ROR1: variants seen among roughly 807,000 people sequenced by gnomAD.
The protein encoded by ROR1 is inactive tyrosine-protein kinase transmembrane receptor ROR1.
Under a neutral mutation model 78.8 loss-of-function variants are expected in ROR1, and 19 were observed. The observed-to-expected ratio is 0.24, with a 90% CI of 0.17 to 0.35. ROR1 has a LOEUF of 0.35. ROR1 is among the 10% of genes least tolerant of loss of function. The pLI is 1.00. For synonymous variants in ROR1, 386 were observed against 433.6 expected (o/e 0.89, Z 1.36); for missense variants, 917 against 1,177.8 (o/e 0.78, Z 3.24).
At chr1:63,929,461 T>C (rs1386709193) in intron 1 of ROR1, among the ~76,000 whole-genome samples, 2 of 152,206 alleles carry the variant, frequency 1.3e-5, no homozygotes, top group Non-Finnish European at 2.9e-5. Context: ...CATAAAACTT[T>C]GCCTTTTACC....
intron 4 of ROR1, among the ~76,000 whole-genome samples, chr1:64,051,764 CA>C (rs945881422): frequency 9.5e-4 from 143 of 151,318 alleles, no homozygotes; most frequent in Non-Finnish European, 1.3e-3. Context: ...TCTTACTCTA[CA>C]AAAAAAAATC....
intron 1 of ROR1, among the ~76,000 whole-genome samples, chr1:63,852,686 T>G (rs1365612466): frequency 2.6e-5 from 4 of 152,192 alleles, no homozygotes; most frequent in Non-Finnish European, 5.9e-5. Context: ...GGAAAAACAC[T>G]AAAAAATGAA....
At chr1:63,882,022 T>A (rs188663485) in intron 1 of ROR1, among the ~76,000 whole-genome samples, 43 of 152,222 alleles carry the variant, frequency 2.8e-4, no homozygotes, top group Non-Finnish European at 7.4e-5. Flanking sequence ...TAGGAGGGGA[T>A]CATATAGGAT....
At chr1:64,134,302 T>TA (rs1649027608) in intron 4 of ROR1, among the ~76,000 whole-genome samples, 1 of 152,188 alleles carries the variant, frequency 6.6e-6, no homozygotes, top group Non-Finnish European at 1.5e-5. Flanking sequence ...CAAGACTCGT[T>TA]ATAAGGTCTC....
Position 64,179,021 on chromosome 1 carries a change from C to CAA in ROR1, c.*166_*167insAA. On this transcript the variant is annotated 3_prime_UTR_variant, in exon 9 of 9. Coordinates refer to ENST00000371079, the MANE Select transcript of ROR1 (RefSeq NM_005012.4). ...CTTACCAAGCAGGACAGACACTCGG[C>CAA]CAGAAAAAAAAAAAAAAAAAAAAAA... 1 of 188,626 alleles carries CAA rather than the reference C, an allele frequency of 5.3e-6. No homozygotes were observed. Among genetic ancestry groups the CAA allele is most frequent in the Non-Finnish European group, 8.8e-6 (1 of 114,082 alleles). The allele number at this position is 188,626 out of a possible 1,614,324, so 11.7% of individuals were successfully genotyped here.
chr1:64,043,048 T>C (rs980298367), intron 2 of ROR1, among the ~76,000 whole-genome samples: 9 of 152,222 alleles, frequency 5.9e-5, no homozygotes, highest in African/African-American at 1.9e-4. Context: ...CTAAACCTAA[T>C]TGTGACTGGC....
chr1:64,078,933 CGAGG>C, intron 4 of ROR1, among the ~76,000 whole-genome samples: 1 of 152,010 alleles, frequency 6.6e-6, no homozygotes, highest in East Asian at 1.9e-4. Context: ...CTCTTGATTT[CGAGG>C]AAGGAGTGTT....
intron 1 of ROR1, among the ~76,000 whole-genome samples, chr1:63,785,549 G>A (rs1189202767): frequency 6.6e-6 from 1 of 151,006 alleles, no homozygotes; most frequent in Non-Finnish European, 1.5e-5. Context: ...TTGAGACGGA[G>A]TCTCACTCTG....
intron 1 of ROR1, among the ~76,000 whole-genome samples, chr1:63,865,801 A>G (rs140612765): frequency 3.1e-3 from 478 of 152,320 alleles, no homozygotes; most frequent in Non-Finnish European, 5.5e-3. Flanking sequence ...TTGTGACTGA[A>G]TCAGAGGTTG....
At chr1:63,918,687 G>A (rs1403609110) in intron 1 of ROR1, among the ~76,000 whole-genome samples, 2 of 152,086 alleles carry the variant, frequency 1.3e-5, no homozygotes, top group East Asian at 1.9e-4. Flanking sequence ...TCTATATACT[G>A]TGCCTCCCTC....
chr1:63,806,655 T>G (rs1644832010), intron 1 of ROR1, among the ~76,000 whole-genome samples: 1 of 152,206 alleles, frequency 6.6e-6, no homozygotes, highest in Non-Finnish European at 1.5e-5. Context: ...AGTGTTTTGT[T>G]TTTGTTTTTG....
chr1:64,132,402 T>C (rs1648944607), intron 4 of ROR1, among the ~76,000 whole-genome samples: 1 of 152,120 alleles, frequency 6.6e-6, no homozygotes, highest in South Asian at 2.1e-4. Context: ...TGTTTTCAAT[T>C]CTTTGGTTTA....
chr1:64,041,460 C>T (rs1395245358), intron 2 of ROR1, among the ~76,000 whole-genome samples: 1 of 152,128 alleles, frequency 6.6e-6, no homozygotes, highest in Non-Finnish European at 1.5e-5. Flanking sequence ...TAAAATAAGC[C>T]TCTAAGTAGC....
At chr1:64,172,629 G>T (rs1650271782) in intron 8 of ROR1, among the ~76,000 whole-genome samples, 1 of 152,078 alleles carries the variant, frequency 6.6e-6, no homozygotes. Context: ...GGTTTACTTT[G>T]GCACCATGCC....
chr1:63,867,011 A>T (rs368565472), intron 1 of ROR1, among the ~76,000 whole-genome samples: 1 of 152,204 alleles, frequency 6.6e-6, no homozygotes, highest in Non-Finnish European at 1.5e-5. Context: ...ATTTTAATTA[A>T]TCTAGCTACA....
At chr1:64,076,297 T>C (rs774383622) in intron 4 of ROR1, among the ~76,000 whole-genome samples, 28 of 152,184 alleles carry the variant, frequency 1.8e-4, no homozygotes, top group Non-Finnish European at 4.1e-4. Context: ...TGCCCATAGA[T>C]TCCCTGGTGG....
intron 1 of ROR1, among the ~76,000 whole-genome samples, chr1:63,841,863 C>T (rs1336667878): frequency 6.6e-6 from 1 of 152,104 alleles, no homozygotes; most frequent in African/African-American, 2.4e-5. Flanking sequence ...CTAATGACCC[C>T]TATATATCTT....
chr1:63,791,900 G>A (rs1644729139), intron 1 of ROR1, among the ~76,000 whole-genome samples: 1 of 152,088 alleles, frequency 6.6e-6, no homozygotes, highest in African/African-American at 2.4e-5. Flanking sequence ...GATCCATGAG[G>A]CCTCCTTTAT....
chr1:64,043,133 A>G (rs1169782921), intron 2 of ROR1, among the ~76,000 whole-genome samples: 2 of 152,230 alleles, frequency 1.3e-5, no homozygotes, highest in African/African-American at 4.8e-5. Context: ...CTCACCTGTC[A>G]AAATGGGAAT....
Sources: allele counts gnomAD v4.1 joint callset (sites outside exome capture counted in the v4.1 genomes callset), GRCh38; gene constraint gnomAD v4.1.1; transcripts MANE v1.5; gene names NCBI Gene and HGNC (gene_info 2026-07-23, HGNC 2026-07-21).